CD200: variants seen among roughly 807,000 people sequenced by gnomAD.
CD200 encodes the protein OX-2 membrane glycoprotein.
Under a neutral mutation model 30.9 loss-of-function variants are expected in CD200, and 15 were observed. The observed-to-expected ratio is 0.49, with a 90% CI of 0.32 to 0.75. The LOEUF (loss-of-function observed/expected upper bound fraction) is 0.75, where lower values mean the gene tolerates loss of function less well. Ranked by LOEUF, CD200 falls within the 30% of genes least tolerant of loss-of-function variation. The probability of loss-of-function intolerance (pLI) is 0.03; values close to 1 mark genes in which losing one functional copy is unlikely to be tolerated. For synonymous variants in CD200, 134 were observed against 126.2 expected, an observed-to-expected ratio of 1.06 and a Z score of -0.41; for missense variants, 262 against 324.2, an observed-to-expected ratio of 0.81 and a Z score of 1.47.
At chr3:112,336,906 GCAGA>G (rs763227649) in intron 1 of CD200, among the ~76,000 whole-genome samples, 3 of 152,134 alleles carry the variant, frequency 2.0e-5, no homozygotes, top group Non-Finnish European at 4.4e-5. Context: ...AATGAAACAA[GCAGA>G]CAATGTCCCA....
intron 5 of CD200, among the ~76,000 whole-genome samples, chr3:112,357,101 A>G (rs997408451): frequency 1.4e-4 from 22 of 151,984 alleles, no homozygotes; most frequent in African/African-American, 5.3e-4. Flanking sequence ...CTCTACTAAA[A>G]ATATAAAAAA....
chr3:112,347,534 G>A (rs2081426870), intron 3 of CD200, 24 bp from the exon 4 acceptor site: 1 of 1,611,296 alleles, frequency 6.2e-7, no homozygotes, highest in South Asian at 1.1e-5. Flanking sequence ...ACTGATAACA[G>A]ATCATATTTA....
At chr3:112,354,378 A>G (rs1216115752) in intron 5 of CD200, among the ~76,000 whole-genome samples, 1 of 152,246 alleles carries the variant, frequency 6.6e-6, no homozygotes, top group African/African-American at 2.4e-5. Context: ...TACCAGCTGA[A>G]AAATCCTCTA....
intron 2 of CD200, among the ~76,000 whole-genome samples, chr3:112,342,366 TTTCTTTCTTTC>T (rs2081277219): frequency 3.4e-5 from 1 of 29,736 alleles, no homozygotes; most frequent in African/African-American, 1.1e-4. Flanking sequence ...TCTTTCTTTC[TTTCTTTCTTTC>T]TTTCTTTCTT....
chr3:112,342,349 CTTTCTTTCTTTCTTTCT>C (rs1559783297), intron 2 of CD200, among the ~76,000 whole-genome samples: 3,502 of 37,806 alleles, frequency 0.093, 809 homozygotes, highest in Admixed American at 0.11. Context: ...TTCTTTCTTT[CTTTCTTTCTTTCTTTCT>C]TTCTTTCTTT....
chr3:112,360,333 A>AAAAAAAAAAAAAT (rs879786648), intron 5 of CD200, among the ~76,000 whole-genome samples: 1 of 141,196 alleles, frequency 7.1e-6, no homozygotes, highest in African/African-American at 2.5e-5. Flanking sequence ...ATCTAAAAAA[A>AAAAAAAAAAAAAT]ATATATATAT....
intron 1 of CD200, among the ~76,000 whole-genome samples, chr3:112,336,195 A>C (rs186807735): frequency 6.6e-6 from 1 of 152,300 alleles, no homozygotes; most frequent in Admixed American, 6.5e-5. Context: ...TCATAAGGAA[A>C]GAAAAGGGCA....
chr3:112,355,137 G>A (rs1056147160), intron 5 of CD200, among the ~76,000 whole-genome samples: 1 of 152,102 alleles, frequency 6.6e-6, no homozygotes, highest in Non-Finnish European at 1.5e-5. Context: ...ATGCTAAGAG[G>A]GTGTGGGAGT....
intron 1 of CD200, among the ~76,000 whole-genome samples, chr3:112,336,304 G>A (rs959151129): frequency 6.6e-6 from 1 of 152,032 alleles, no homozygotes; most frequent in Admixed American, 6.6e-5. Flanking sequence ...AATCCTTGTG[G>A]CAGGTAAAGG....
At chr3:112,347,858 G>T (rs1220348081) in intron 4 of CD200, 28 bp downstream of exon 4, 1 of 1,601,268 alleles carries the variant, frequency 6.2e-7, no homozygotes, top group South Asian at 1.1e-5. Context: ...AGGTGGCTGT[G>T]GTTGTGTCTG....
intron 4 of CD200, 79 bp downstream of exon 4, chr3:112,347,909 T>G: frequency 7.9e-7 from 1 of 1,272,254 alleles, no homozygotes; most frequent in Non-Finnish European, 1.1e-6. Flanking sequence ...CTGCAGAGGT[T>G]TTCAGCCTCT....
chr3:112,354,117 T>C (rs932054890), intron 5 of CD200, among the ~76,000 whole-genome samples: 4 of 152,184 alleles, frequency 2.6e-5, no homozygotes, highest in Admixed American at 6.5e-5. Context: ...CCTGGAGCTG[T>C]TCTTTGCTGT....
Position 112,360,326 on chromosome 3 carries a change from T to TAAAAATAAAAA in CD200, c.803-1212_803-1211insTAAAAAAAAAA, listed in dbSNP as rs1553721422. 2.6e-4 allele frequency among the ~76,000 whole-genome samples: 31 copies of TAAAAATAAAAA among 119,184 alleles called. No homozygotes were observed. The East Asian group carries it at 3.9e-3, about 15-fold the overall frequency. The allele number at this position is 119,184 out of a possible 152,430, so 78.2% of individuals were successfully genotyped here. ...TTGGTTGACACAGTGAGACTTCATC[T>TAAAAATAAAAA]AAAAAAAATATATATATATATGTAT... is the stretch of plus-strand genomic sequence containing the variant. On this transcript the variant is annotated intron_variant, in intron 5 of 5. Transcript: ENST00000315711.
intron 5 of CD200, among the ~76,000 whole-genome samples, chr3:112,351,185 G>A (rs879888042): frequency 3.9e-5 from 6 of 152,130 alleles, no homozygotes; most frequent in Admixed American, 1.3e-4. Context: ...TTAAGAGCAG[G>A]CTAGGACTAA....
In CD200 at chr3:112,342,427, T is replaced by C. The variant is rs556610583; in HGVS notation, c.94+1444T>C. 8.8e-4 allele frequency among the ~76,000 whole-genome samples: 86 copies of C among 97,194 alleles called. 18 individuals carry two copies. The highest frequency in any genetic ancestry group is 2.6e-3 in the African/African-American group (67 of 26,024). 63.8% of individuals were successfully genotyped at this position (97,194 alleles called of 152,430 possible). On this transcript the variant is annotated intron_variant, in intron 2 of 5. Transcript: ENST00000315711. ...TTTCTTTCTTTCTTTCTTTCTTTCT[T>C]TCTTCTCTCTCTTTCTATGAAATTT... is the stretch of plus-strand genomic sequence containing the variant.
At chr3:112,337,242 GA>G (rs1241481083) in intron 1 of CD200, among the ~76,000 whole-genome samples, 2 of 152,166 alleles carry the variant, frequency 1.3e-5, no homozygotes, top group Non-Finnish European at 1.5e-5. Flanking sequence ...GAAGAGGCTT[GA>G]ATCTTCTTGG....
In CD200 at chr3:112,347,794, G is replaced by A; in HGVS notation, c.658G>A (p.Gly220Arg). 1 of 1,613,742 alleles carries A rather than the reference G, an allele frequency of 6.2e-7. No individual in the cohort carries two copies. Among genetic ancestry groups the A allele is most frequent in the Non-Finnish European group, 8.5e-7 (1 of 1,179,856 alleles). Residue 220 changes from glycine to arginine, a missense_variant, in exon 4 of 6, where the codon GGG becomes AGG. Physicochemically the swap from Gly to Arg is moderately radical, Grantham distance 125 (BLOSUM62 -2). Transcript: ENST00000315711. ...KEVICQVLHL[G>R]TVTDFKQTVN... ...GGTGATCTGCCAGGTGCTGCACCTG[G>A]GGACTGTGACCGACTTTAAGCAAAC...
chr3:112,360,033 G>T (rs2081706358), intron 5 of CD200, among the ~76,000 whole-genome samples: 1 of 152,134 alleles, frequency 6.6e-6, no homozygotes, highest in African/African-American at 2.4e-5. Flanking sequence ...AGGCAGAAAA[G>T]TCATTAATAT....
intron 1 of CD200, 58 bp downstream of exon 1, chr3:112,333,282 GCC>G: frequency 6.6e-7 from 1 of 1,523,438 alleles, no homozygotes; most frequent in Non-Finnish European, 8.8e-7. Flanking sequence ...TGAGCCGGTG[GCC>G]CTGGGGCGGG....
Sources: gnomAD v4.1 joint callset for allele counts (sites outside exome capture counted in the v4.1 genomes callset) on GRCh38, gnomAD v4.1.1 for gene constraint, MANE v1.5 for transcripts, NCBI Gene and HGNC (gene_info 2026-07-23, HGNC 2026-07-21) for gene names.